Variants in CWH43 observed in about 807,000 individuals in gnomAD.
The protein encoded by CWH43 is cell wall biogenesis 43 C-terminal homolog.
In CWH43, 91 loss-of-function variants were observed where a neutral mutation model predicts 85.7. That is an observed-to-expected ratio of 1.06 (90% CI 0.90 to 1.26). The LOEUF (loss-of-function observed/expected upper bound fraction) is 1.26, where lower values mean the gene tolerates loss of function less well. Ranked by LOEUF, CWH43 falls within the 50% of genes most tolerant of loss-of-function variation. The pLI, the probability that CWH43 is intolerant of heterozygous loss-of-function variation, is 0.00. For synonymous variants in CWH43, 323 were observed against 293.6 expected (o/e 1.10, Z -1.02); for missense variants, 869 against 839.2 (o/e 1.04, Z -0.44).
intron 15 of CWH43, among the ~76,000 whole-genome samples, chr4:49,058,776 A>G (rs560865108): frequency 6.6e-6 from 1 of 152,310 alleles, no homozygotes; most frequent in Non-Finnish European, 1.5e-5. Flanking sequence ...CACTTTGAAT[A>G]CATCATCTCA....
intron 15 of CWH43, among the ~76,000 whole-genome samples, chr4:49,060,542 T>C (rs1785120666): frequency 6.6e-6 from 1 of 152,084 alleles, no homozygotes. Flanking sequence ...TGTGGCAAAG[T>C]TGGGTGCTTA....
chr4:49,058,762 T>G lies in CWH43; in HGVS notation c.2022-3050T>G, dbSNP rs542388449. Among the ~76,000 whole-genome samples, 13 of 152,362 alleles carry G rather than the reference T, an allele frequency of 8.5e-5. No homozygotes were observed. In the South Asian group the frequency reaches 2.5e-3, roughly 29 times the overall value. ...ATTCTTGGTAGGCAGTTGCTTTCTT[T>G]TAGCACTTTGAATACATCATCTCAA... On this transcript the variant is annotated intron_variant, in intron 15 of 15. Coordinates refer to ENST00000226432, the MANE Select transcript of CWH43 (RefSeq NM_025087.3).
intron 8 of CWH43, among the ~76,000 whole-genome samples, chr4:49,010,196 T>C (rs1783307970): frequency 6.6e-6 from 1 of 152,192 alleles, no homozygotes; most frequent in Non-Finnish European, 1.5e-5. Flanking sequence ...CTTCCTAGTT[T>C]AGTCTTGGGA....
intron 13 of CWH43, among the ~76,000 whole-genome samples, chr4:49,040,924 G>C (rs1163204237): frequency 1.3e-5 from 2 of 152,186 alleles, no homozygotes; most frequent in Non-Finnish European, 2.9e-5. Flanking sequence ...TTTTGTATAA[G>C]ATGTAAGGAA....
chr4:49,055,749 C>A (rs1163841515), intron 15 of CWH43, among the ~76,000 whole-genome samples: 8 of 151,984 alleles, frequency 5.3e-5, no homozygotes, highest in African/African-American at 1.7e-4. Context: ...ACCACCACAC[C>A]CAGCTAATTT....
chr4:49,047,289 G>A (rs918643493), intron 14 of CWH43, among the ~76,000 whole-genome samples: 4 of 152,212 alleles, frequency 2.6e-5, no homozygotes, highest in Non-Finnish European at 5.9e-5. Flanking sequence ...CATTCAACAA[G>A]TATCGATCTA....
At chr4:49,011,469 G>A (rs1037951047) in intron 8 of CWH43, among the ~76,000 whole-genome samples, 3 of 152,158 alleles carry the variant, frequency 2.0e-5, no homozygotes, top group South Asian at 2.1e-4. Flanking sequence ...TTACATTTAA[G>A]GTGAATATTG....
At chr4:49,046,318 A>G (rs1784621355) in intron 14 of CWH43, among the ~76,000 whole-genome samples, 1 of 152,050 alleles carries the variant, frequency 6.6e-6, no homozygotes, top group African/African-American at 2.4e-5. Flanking sequence ...CCATTCATTC[A>G]TTCATTCATT....
intron 14 of CWH43, among the ~76,000 whole-genome samples, chr4:49,048,344 ATATATATATACACTCTG>A (rs1038493045): frequency 2.7e-5 from 4 of 149,640 alleles, no homozygotes; most frequent in Non-Finnish European, 5.9e-5. Context: ...CTCTGTGTGT[ATATATATATACACTCTG>A]TATATATATA....
At position 49,038,082 on chromosome 4, in the gene CWH43, C is replaced by G. The variant is rs1192833053; in HGVS notation, c.1705C>G (p.Leu569Val). The G allele has an allele frequency of 6.2e-7, 1 of 1,612,806 alleles. No individual in the cohort carries two copies. The highest frequency in any genetic ancestry group is 1.1e-5 in the South Asian group (1 of 90,746). Residue 569 changes from leucine to valine, a missense_variant, in exon 13 of 16, where the codon CTG becomes GTG. Coordinates refer to ENST00000226432, the MANE Select transcript of CWH43 (RefSeq NM_025087.3). ...GCAGGCTATTGCTGTTTCAAAACTA[C>G]TGAAAAGTAGCTCTAATCAAGTGAT... The part of the protein sequence containing the change: ...KLQAIAVSKL[L>V]KSSSNQVIFL...
At chr4:49,060,924 T>A (rs562898086) in intron 15 of CWH43, among the ~76,000 whole-genome samples, 1 of 152,336 alleles carries the variant, frequency 6.6e-6, no homozygotes, top group South Asian at 2.1e-4. Flanking sequence ...ATGTGTGTTT[T>A]TGTTCTATTT....
At chr4:49,050,356 C>T (rs777676428) in intron 14 of CWH43, among the ~76,000 whole-genome samples, 1 of 152,002 alleles carries the variant, frequency 6.6e-6, no homozygotes, top group Non-Finnish European at 1.5e-5. Flanking sequence ...AGGTGAACAC[C>T]CCTGTCATTC....
chr4:48,986,730 G>T, intron 1 of CWH43: 4 of 1,331,526 alleles, frequency 3.0e-6, no homozygotes, highest in Non-Finnish European at 3.8e-6. Context: ...GCAGCCCTGG[G>T]ATTGTGCCCA....
At chr4:48,986,544 G>C in intron 1 of CWH43, 72 bp downstream of exon 1, 3 of 1,544,044 alleles carry the variant, frequency 1.9e-6, no homozygotes, top group Non-Finnish European at 2.6e-6. Context: ...CGTGGAGCCA[G>C]GCCAGGTTGG....
chr4:49,004,070 A>G, intron 7 of CWH43, 78 bp downstream of exon 7: 1 of 1,302,116 alleles, frequency 7.7e-7, no homozygotes, highest in East Asian at 2.5e-5. Context: ...TTAGCACTTT[A>G]TGTAACTGGT....
chr4:49,061,439 T>G (rs1473385905), intron 15 of CWH43, among the ~76,000 whole-genome samples: 2 of 152,236 alleles, frequency 1.3e-5, no homozygotes, highest in Admixed American at 6.5e-5. Flanking sequence ...CATTAACACA[T>G]GTAGACAATT....
At chr4:49,016,379 G>A (rs1332223541) in intron 8 of CWH43, among the ~76,000 whole-genome samples, 1 of 152,116 alleles carries the variant, frequency 6.6e-6, no homozygotes, top group Non-Finnish European at 1.5e-5. Context: ...GCTTCTGATG[G>A]GAGGATCTTG....
At chr4:49,057,934 T>C (rs1249442680) in intron 15 of CWH43, among the ~76,000 whole-genome samples, 1 of 152,216 alleles carries the variant, frequency 6.6e-6, no homozygotes, top group Non-Finnish European at 1.5e-5. Context: ...CCCACATCTC[T>C]TTTGGTTATC....
At chr4:49,017,362 T>C in intron 9 of CWH43, 34 bp downstream of exon 9, 1 of 1,389,460 alleles carries the variant, frequency 7.2e-7, no homozygotes, top group Non-Finnish European at 1.0e-6. Flanking sequence ...TAGAATTTTA[T>C]ATGGTATATA....
Sources: allele counts gnomAD v4.1 joint callset (sites outside exome capture counted in the v4.1 genomes callset), GRCh38; gene constraint gnomAD v4.1.1; transcripts MANE v1.5; gene names NCBI Gene and HGNC (gene_info 2026-07-23, HGNC 2026-07-21).